Variants in PTPRG observed in about 807,000 individuals in gnomAD.
PTPRG encodes the protein protein tyrosine phosphatase receptor type G.
PTPRG carries 102 observed loss-of-function variants against 165.3 expected under a neutral mutation model. The ratio of observed to expected loss-of-function variants is 0.62; its 90% confidence interval spans 0.53 to 0.73. The LOEUF (loss-of-function observed/expected upper bound fraction) is 0.73. Ranked by LOEUF, PTPRG falls within the 30% of genes least tolerant of loss-of-function variation. PTPRG has a pLI of 0.00. For synonymous variants in PTPRG, 675 were observed against 669.5 expected (o/e 1.01, Z -0.13); for missense variants, 1,866 against 1,861.4 (o/e 1.00, Z -0.05).
chr3:61,576,942 T>C (rs1205853585), intron 1 of PTPRG, among the ~76,000 whole-genome samples: 1 of 152,226 alleles, frequency 6.6e-6, no homozygotes. Flanking sequence ...TTATGGCGCT[T>C]GTAGGAGTGT....
intron 1 of PTPRG, among the ~76,000 whole-genome samples, chr3:61,583,886 A>C (rs1408524924): frequency 6.6e-6 from 1 of 152,130 alleles, no homozygotes; most frequent in African/African-American, 2.4e-5. Context: ...TGCCTACGTT[A>C]ACCAAGGGTT....
chr3:61,966,811 C>G (rs2040283532), intron 2 of PTPRG, among the ~76,000 whole-genome samples: 1 of 152,170 alleles, frequency 6.6e-6, no homozygotes, highest in South Asian at 2.1e-4. Flanking sequence ...TGTCTTGAAT[C>G]AACACTGGCA....
intron 5 of PTPRG, among the ~76,000 whole-genome samples, chr3:62,132,188 C>T (rs904442432): frequency 1.3e-5 from 2 of 152,092 alleles, no homozygotes. Flanking sequence ...AAAACAGATT[C>T]ATTTTCTAAA....
chr3:62,040,517 A>C (rs956730468), intron 4 of PTPRG, among the ~76,000 whole-genome samples: 1 of 152,218 alleles, frequency 6.6e-6, no homozygotes, highest in African/African-American at 2.4e-5. Flanking sequence ...GCAGTGGTGC[A>C]ATCTCAGCTC....
chr3:61,704,473 C>A (rs996920684), intron 1 of PTPRG, among the ~76,000 whole-genome samples: 1 of 152,074 alleles, frequency 6.6e-6, no homozygotes, highest in Non-Finnish European at 1.5e-5. Flanking sequence ...AAAACAAATA[C>A]AAATTTGTGT....
intron 2 of PTPRG, among the ~76,000 whole-genome samples, chr3:61,921,025 C>T (rs2039064596): frequency 6.6e-6 from 1 of 152,078 alleles, no homozygotes; most frequent in South Asian, 2.1e-4. Flanking sequence ...TGTGTCTCAG[C>T]AAACCGTGAG....
chr3:61,998,737 T>G (rs918097175), intron 3 of PTPRG, among the ~76,000 whole-genome samples: 5 of 152,230 alleles, frequency 3.3e-5, no homozygotes, highest in South Asian at 4.1e-4. Flanking sequence ...TTCTACTGTC[T>G]CCATCATTCT....
chr3:62,103,229 T>C (rs1303274867), intron 5 of PTPRG, among the ~76,000 whole-genome samples: 2 of 125,018 alleles, frequency 1.6e-5, no homozygotes, highest in African/African-American at 6.5e-5. Context: ...CTTGGACTCA[T>C]AGCACGCGGA....
intron 23 of PTPRG, among the ~76,000 whole-genome samples, chr3:62,274,153 C>A (rs2148877119): frequency 6.6e-6 from 1 of 152,158 alleles, no homozygotes; most frequent in East Asian, 1.9e-4. Context: ...CAAAAAATGT[C>A]CTATTTTTTC....
chr3:61,632,918 GCCTT>G (rs1285033679), intron 1 of PTPRG, among the ~76,000 whole-genome samples: 2 of 152,030 alleles, frequency 1.3e-5, no homozygotes, highest in Non-Finnish European at 2.9e-5. Flanking sequence ...TCCAGGACTA[GCCTT>G]CTTGCTTACC....
At chr3:62,140,851 CAAAAAAAAAAAAAAA>C (rs58630476) in intron 6 of PTPRG, among the ~76,000 whole-genome samples, 1 of 71,194 alleles carries the variant, frequency 1.4e-5, no homozygotes, top group Non-Finnish European at 2.8e-5. Context: ...GACTCGGTCT[CAAAAAAAAAAAAAAA>C]AAAAAAAAGA....
At chr3:61,801,861 T>TAC (rs1170399157) in intron 2 of PTPRG, among the ~76,000 whole-genome samples, 4 of 151,908 alleles carry the variant, frequency 2.6e-5, no homozygotes, top group Non-Finnish European at 4.4e-5. Flanking sequence ...CTACTAAAAA[T>TAC]ACACACACAC....
chr3:61,860,623 T>C (rs1055569639), intron 2 of PTPRG, among the ~76,000 whole-genome samples: 1 of 151,948 alleles, frequency 6.6e-6, no homozygotes, highest in Admixed American at 6.5e-5. Context: ...TTTGTATTTT[T>C]AGTAGAGACA....
At chr3:62,029,463 T>G (rs1268031100) in intron 4 of PTPRG, among the ~76,000 whole-genome samples, 1 of 152,218 alleles carries the variant, frequency 6.6e-6, no homozygotes, top group African/African-American at 2.4e-5. Flanking sequence ...TTAAAAACGC[T>G]AAAACACTAG....
intron 1 of PTPRG, among the ~76,000 whole-genome samples, chr3:61,668,400 G>A (rs138485821): frequency 5.9e-5 from 9 of 152,162 alleles, no homozygotes; most frequent in Admixed American, 3.9e-4. Context: ...TAGAAAGCCC[G>A]GCTTTAACTC....
chr3:61,781,494 ACTTCCTACATC>A (rs2107081824), intron 2 of PTPRG, among the ~76,000 whole-genome samples: 1 of 152,310 alleles, frequency 6.6e-6, no homozygotes, highest in Non-Finnish European at 1.5e-5. Context: ...ACATATCATC[ACTTCCTACATC>A]CTGACCTCTC....
chr3:61,800,070 A>C (rs1279960755), intron 2 of PTPRG, among the ~76,000 whole-genome samples: 1 of 152,162 alleles, frequency 6.6e-6, no homozygotes, highest in African/African-American at 2.4e-5. Context: ...ATGGAAATAG[A>C]GTGAAAAATA....
chr3:62,178,848 G>C (rs188509466), intron 8 of PTPRG, among the ~76,000 whole-genome samples: 41 of 152,260 alleles, frequency 2.7e-4, no homozygotes, highest in African/African-American at 9.9e-4. Context: ...TCTGACATTG[G>C]GTTTACTTGT....
chr3:61,843,818 T>A (rs2036721703), intron 2 of PTPRG, among the ~76,000 whole-genome samples: 1 of 151,686 alleles, frequency 6.6e-6, no homozygotes, highest in Admixed American at 6.6e-5. Context: ...AAACTGGACA[T>A]TTCTTTAAAA....
Sources: allele counts gnomAD v4.1 joint callset (sites outside exome capture counted in the v4.1 genomes callset), GRCh38; gene constraint gnomAD v4.1.1; transcripts MANE v1.5; gene names NCBI Gene and HGNC (gene_info 2026-07-23, HGNC 2026-07-21).